SNRPN: variants seen among roughly 807,000 people sequenced by gnomAD.
SNRPN encodes small nuclear ribonucleoprotein-associated protein N.
Under a neutral mutation model 25.2 loss-of-function variants are expected in SNRPN, and 7 were observed. That is an observed-to-expected ratio of 0.28 (90% CI 0.16 to 0.52). The LOEUF is 0.52. Among genes scored for constraint, SNRPN ranks in the 20% least tolerant of loss-of-function variants. The probability of loss-of-function intolerance (pLI) is 0.96; values close to 1 mark genes in which losing one functional copy is unlikely to be tolerated. For synonymous variants in SNRPN, 124 were observed against 110.6 expected (o/e 1.12, Z -0.76); for missense variants, 196 against 322.5 (o/e 0.61, Z 3.00).
chr15:24,954,180 C>A (rs73354178), upstream of SNRPN, among the ~76,000 whole-genome samples: 367 of 152,246 alleles, frequency 2.4e-3, 2 homozygotes, highest in African/African-American at 8.4e-3. Context: ...AATATTATGT[C>A]GTAAATAATG....
At chr15:24,961,182 T>TCAAACA (rs2074744073) in intron 1 of SNRPN, among the ~76,000 whole-genome samples, 1 of 152,210 alleles carries the variant, frequency 6.6e-6, no homozygotes, top group Non-Finnish European at 1.5e-5. Context: ...GTGTATAAAA[T>TCAAACA]TTTACCATTT....
Position 24,975,456 on chromosome 15 carries a change from T to A in SNRPN, c.102T>A (p.Phe34Leu), listed in dbSNP as rs772205730. ...TCTTCATTGGCACCTTTAAGGCTTT[T>A]GACAAGCATATGAATTTGATCCTCT... ...GRIFIGTFKA[F>L]DKHMNLILCD... The change falls in exon 5 of 10, where the codon TTT (phenylalanine) becomes TTA (leucine). Residue 34 changes from phenylalanine to leucine, a missense_variant. Coordinates refer to ENST00000390687, the MANE Select transcript of SNRPN (RefSeq NM_003097.6). 1 of 1,613,996 alleles carries A rather than the reference T, an allele frequency of 6.2e-7. No individual in the cohort carries two copies. Among genetic ancestry groups the A allele is most frequent in the Admixed American group, 1.7e-5 (1 of 60,018 alleles).
intron 1 of SNRPN, among the ~76,000 whole-genome samples, chr15:24,875,508 T>C (rs1249441775): frequency 6.6e-6 from 1 of 152,204 alleles, no homozygotes; most frequent in Admixed American, 6.5e-5. Context: ...TTGTATGTAA[T>C]GTGAGGTCAA....
At chr15:24,842,425 A>G (rs754383469) in intron 2 of SNRPN, among the ~76,000 whole-genome samples, 6 of 152,170 alleles carry the variant, frequency 3.9e-5, no homozygotes, top group Non-Finnish European at 7.4e-5. Context: ...TCTTCCTTCA[A>G]AAGAAGCCTA....
chr15:24,963,893 G>A lies in SNRPN; in HGVS notation c.-295+1684G>A, dbSNP rs540932722. On this transcript the variant is annotated intron_variant, in intron 2 of 9. Transcript: ENST00000390687. ...CTACAGAAAAATAAATTAGCCAGGC[G>A]TGGTGTTGTCTACCTGTAGTCTCAG... is the stretch of plus-strand genomic sequence containing the variant. Among the ~76,000 whole-genome samples, 13 of 152,078 alleles carry A rather than the reference G, an allele frequency of 8.5e-5. No individual in the cohort carries two copies. The East Asian group carries it at 1.7e-3, about 20-fold the overall frequency.
chr15:24,874,980 T>C (rs1184935530), intron 1 of SNRPN, among the ~76,000 whole-genome samples: 1 of 152,232 alleles, frequency 6.6e-6, no homozygotes, highest in Non-Finnish European at 1.5e-5. Flanking sequence ...TTGAAAGTTT[T>C]TTTCAGTAAT....
chr15:24,969,882 T>C (rs1372469641), intron 3 of SNRPN, among the ~76,000 whole-genome samples: 2 of 152,246 alleles, frequency 1.3e-5, no homozygotes, highest in Non-Finnish European at 2.9e-5. Flanking sequence ...TATTATGTTA[T>C]CTTTGGCCAC....
upstream of SNRPN, among the ~76,000 whole-genome samples, chr15:24,853,891 G>A (rs2053129425): frequency 6.6e-6 from 1 of 152,150 alleles, no homozygotes; most frequent in East Asian, 1.9e-4. Context: ...AAGTCATTAG[G>A]CTTAGTAAGA....
chr15:24,955,702 G>A (rs1452893694), intron 1 of SNRPN, among the ~76,000 whole-genome samples: 2 of 150,700 alleles, frequency 1.3e-5, no homozygotes, highest in African/African-American at 4.9e-5. Flanking sequence ...GTTGGTGGTC[G>A]CGGCGCGGGG....
chr15:24,850,259 A>G (rs2052689330), intron 2 of SNRPN: 1 of 152,228 alleles, frequency 6.6e-6, no homozygotes, highest in Non-Finnish European at 1.5e-5. Flanking sequence ...TAATTTTTAA[A>G]AATTATTCAA....
intron 2 of SNRPN, among the ~76,000 whole-genome samples, chr15:24,847,119 T>C (rs736008): frequency 0.43 from 65,514 of 151,918 alleles, 14,373 homozygotes; most frequent in Middle Eastern, 0.46. Flanking sequence ...AACGACATTT[T>C]GGCACCAAGC....
chr15:24,974,586 A>G (rs1596331581), intron 4 of SNRPN, 130 bp downstream of exon 4: 5 of 880,876 alleles, frequency 5.7e-6, no homozygotes, highest in Middle Eastern at 4.3e-4. Context: ...ATGGATTCTC[A>G]TTGCATTGAG....
intron 1 of SNRPN, among the ~76,000 whole-genome samples, chr15:24,869,708 T>G (rs1473859515): frequency 6.6e-6 from 1 of 152,198 alleles, no homozygotes; most frequent in Non-Finnish European, 1.5e-5. Flanking sequence ...GATAGCAATT[T>G]GATTACCTGG....
At chr15:24,907,136 A>G (rs2058850567) in intron 2 of SNRPN, among the ~76,000 whole-genome samples, 1 of 152,192 alleles carries the variant, frequency 6.6e-6, no homozygotes, top group Non-Finnish European at 1.5e-5. Flanking sequence ...ATCCCAAGGG[A>G]GAAGCAGAAT....
chr15:24,931,710 T>C (rs896696586), intron 3 of SNRPN, among the ~76,000 whole-genome samples: 1 of 151,582 alleles, frequency 6.6e-6, no homozygotes, highest in African/African-American at 2.4e-5. Context: ...TGGTGGCACA[T>C]GGCTGTAGTC....
intron 3 of SNRPN, among the ~76,000 whole-genome samples, chr15:24,923,558 A>C (rs539723568): frequency 6.6e-6 from 1 of 152,232 alleles, no homozygotes; most frequent in Non-Finnish European, 1.5e-5. Flanking sequence ...TGTAATAGCC[A>C]AAACTGGAAA....
intron 2 of SNRPN, chr15:24,909,835 C>G: frequency 9.6e-7 from 1 of 1,036,544 alleles, no homozygotes; most frequent in Non-Finnish European, 1.5e-6. Flanking sequence ...TCCTGCAGAA[C>G]AGAGACCCGC....
chr15:24,932,222 G>T (rs992986420), intron 3 of SNRPN, among the ~76,000 whole-genome samples: 4 of 152,154 alleles, frequency 2.6e-5, no homozygotes, highest in African/African-American at 9.7e-5. Context: ...ATAGGCCAGG[G>T]TTAAGACTGA....
At chr15:24,907,200 G>A (rs1269476984) in intron 2 of SNRPN, among the ~76,000 whole-genome samples, 1 of 152,104 alleles carries the variant, frequency 6.6e-6, no homozygotes, top group Admixed American at 6.6e-5. Flanking sequence ...AAGATTCGCA[G>A]CCCAGGAAGT....
Sources: gnomAD v4.1 joint callset for allele counts (sites outside exome capture counted in the v4.1 genomes callset) on GRCh38, gnomAD v4.1.1 for gene constraint, MANE v1.5 for transcripts, NCBI Gene and HGNC (gene_info 2026-07-23, HGNC 2026-07-21) for gene names.